RASGRF2: variants seen among roughly 807,000 people sequenced by gnomAD.
RASGRF2 encodes ras-specific guanine nucleotide-releasing factor 2.
A neutral mutation model predicts 151.0 loss-of-function variants in RASGRF2; 76 were observed. The ratio of observed to expected loss-of-function variants is 0.50; its 90% CI spans 0.42 to 0.61. RASGRF2 has a LOEUF of 0.61. RASGRF2 is among the 20% of genes least tolerant of loss of function. The pLI is 0.00. For synonymous variants in RASGRF2, 504 were observed against 566.5 expected, an observed-to-expected ratio of 0.89 and a Z score of 1.57; for missense variants, 1,148 against 1,564.6, an observed-to-expected ratio of 0.73 and a Z score of 4.49.
intron 15 of RASGRF2, 123 bp from the exon 16 acceptor site, chr5:81,123,519 A>G: frequency 1.7e-6 from 2 of 1,201,682 alleles, no homozygotes; most frequent in Non-Finnish European, 2.3e-6. Context: ...ACTTGATTTC[A>G]TATTAAAGCC....
At chr5:81,111,084 G>A (rs1269850054) in intron 13 of RASGRF2, among the ~76,000 whole-genome samples, 1 of 152,166 alleles carries the variant, frequency 6.6e-6, no homozygotes, top group African/African-American at 2.4e-5. Flanking sequence ...TTATCCGAAA[G>A]AAAATAGATA....
In RASGRF2 at chr5:81,127,033, T is replaced by A. The variant is rs1191836456; in HGVS notation, c.2597-41T>A. On this transcript the variant is annotated intron_variant, in intron 16 of 26. Coordinates refer to ENST00000265080, the MANE Select transcript of RASGRF2 (RefSeq NM_006909.3). Reference sequence around the variant, plus strand: ...GATTTTTGTTACAGAATATTATCCATTTGCCTCACCATTCCATTTCCTTTC... The same window carrying A: ...GATTTTTGTTACAGAATATTATCCAATTGCCTCACCATTCCATTTCCTTTC... 1.9e-6 allele frequency: 3 copies of A among 1,589,244 alleles called. No homozygotes were observed. The African/African-American group carries it at 4.0e-5, about 21-fold the overall frequency.
intron 2 of RASGRF2, among the ~76,000 whole-genome samples, 165 bp from the exon 3 acceptor site, chr5:81,067,867 G>A (rs540050571): frequency 2.3e-4 from 35 of 152,220 alleles, no homozygotes; most frequent in African/African-American, 7.2e-4. Context: ...CTTCATCGTC[G>A]AAGGATACCA....
chr5:81,025,192 C>T (rs1749976215), intron 1 of RASGRF2, among the ~76,000 whole-genome samples: 1 of 152,234 alleles, frequency 6.6e-6, no homozygotes, highest in African/African-American at 2.4e-5. Context: ...GCTGTCCTTG[C>T]AGCCGGCTCT....
At chr5:81,207,715 G>T (rs1421264005) in intron 21 of RASGRF2, among the ~76,000 whole-genome samples, 1 of 152,234 alleles carries the variant, frequency 6.6e-6, no homozygotes, top group Non-Finnish European at 1.5e-5. Context: ...CAGGAATGCT[G>T]CCCTGAAGAC....
At chr5:80,987,023 G>T (rs1478264918) in intron 1 of RASGRF2, among the ~76,000 whole-genome samples, 1 of 152,120 alleles carries the variant, frequency 6.6e-6, no homozygotes, top group Non-Finnish European at 1.5e-5. Flanking sequence ...TGTGTGCATT[G>T]CTGTTTTCTT....
intron 1 of RASGRF2, among the ~76,000 whole-genome samples, chr5:80,988,177 A>T (rs1344070962): frequency 6.6e-6 from 1 of 151,816 alleles, no homozygotes; most frequent in Non-Finnish European, 1.5e-5. Flanking sequence ...CAGTCTCCCA[A>T]GCAGTTGGGA....
intron 17 of RASGRF2, among the ~76,000 whole-genome samples, chr5:81,131,974 C>G (rs888377354): frequency 6.6e-6 from 1 of 152,190 alleles, no homozygotes; most frequent in South Asian, 2.1e-4. Context: ...AGAAACACAT[C>G]GCAGGAATGC....
intron 18 of RASGRF2, among the ~76,000 whole-genome samples, chr5:81,186,397 A>G (rs1335266514): frequency 1.3e-5 from 2 of 152,152 alleles, no homozygotes; most frequent in Non-Finnish European, 2.9e-5. Context: ...CATTGACATT[A>G]TGAGCTTTTT....
At chr5:81,210,951 G>C (rs1429504715) in intron 22 of RASGRF2, among the ~76,000 whole-genome samples, 1 of 152,070 alleles carries the variant, frequency 6.6e-6, no homozygotes, top group East Asian at 1.9e-4. Flanking sequence ...TTCAAGACCA[G>C]CCTGGGCAAC....
At chr5:80,998,272 T>A (rs1439529857) in intron 1 of RASGRF2, among the ~76,000 whole-genome samples, 2 of 152,158 alleles carry the variant, frequency 1.3e-5, no homozygotes, top group African/African-American at 4.8e-5. Flanking sequence ...CTATTTCCTG[T>A]TTCATCTACT....
At chr5:81,186,318 T>C (rs1052385460) in intron 18 of RASGRF2, among the ~76,000 whole-genome samples, 1 of 152,200 alleles carries the variant, frequency 6.6e-6, no homozygotes, top group Non-Finnish European at 1.5e-5. Context: ...TTCCAGCACC[T>C]GAGAGGGGCC....
Position 81,201,378 on chromosome 5 carries a change from G to C in RASGRF2, c.2842G>C (p.Glu948Gln), listed in dbSNP as rs1328159212. The C allele has an allele frequency of 2.5e-6, 4 of 1,613,962 alleles. No homozygotes were observed. Among genetic ancestry groups the C allele is most frequent in the Admixed American group, 3.3e-5 (2 of 59,952 alleles). The change falls in exon 19 of 27, where the codon GAA (glutamate) becomes CAA (glutamine). Residue 948 changes from glutamate to glutamine, a missense_variant. Coordinates refer to ENST00000265080, the MANE Select transcript of RASGRF2 (RefSeq NM_006909.3). ...AAAGATGAATGTCCTAAATTTGCTAGAAGAAGTTTTGCGAGACCCAGACCT... is the reference window on the plus strand; with the variant it reads ...AAAGATGAATGTCCTAAATTTGCTACAAGAAGTTTTGCGAGACCCAGACCT... ...ELKMNVLNLL[E>Q]EVLRDPDLLP...
chr5:81,209,362 T>C (rs994283531), intron 22 of RASGRF2, among the ~76,000 whole-genome samples: 10 of 152,290 alleles, frequency 6.6e-5, no homozygotes, highest in African/African-American at 2.4e-4. Context: ...TGGGAGTGTC[T>C]TCTGGCCTAT....
intron 8 of RASGRF2, 105 bp from the exon 9 acceptor site, chr5:81,086,730 G>T: frequency 1.1e-6 from 1 of 901,402 alleles, no homozygotes; most frequent in South Asian, 1.6e-5. Context: ...CGGTTCAATC[G>T]ATACAAGCTT....
intron 12 of RASGRF2, among the ~76,000 whole-genome samples, chr5:81,096,681 T>G (rs1399437454): frequency 6.6e-6 from 1 of 152,124 alleles, no homozygotes; most frequent in Non-Finnish European, 1.5e-5. Context: ...GAGACATTGT[T>G]AAGAGAGAAA....
intron 18 of RASGRF2, among the ~76,000 whole-genome samples, chr5:81,199,897 C>CG (rs757533048): frequency 1.0e-5 from 1 of 95,478 alleles, no homozygotes; most frequent in East Asian, 3.2e-4. Flanking sequence ...GACTCCATCT[C>CG]AAAAAAAAAA....
intron 1 of RASGRF2, among the ~76,000 whole-genome samples, chr5:81,034,042 G>A (rs1475544442): frequency 5.9e-5 from 9 of 152,112 alleles, no homozygotes. Context: ...ACAGACACAT[G>A]AAAAAATGCT....
chr5:81,031,389 A>G (rs1374108370), intron 1 of RASGRF2, among the ~76,000 whole-genome samples: 12 of 152,238 alleles, frequency 7.9e-5, no homozygotes, highest in African/African-American at 2.9e-4. Flanking sequence ...AAATTGACAC[A>G]TAATTGGAAG....
Sources: allele counts gnomAD v4.1 joint callset (sites outside exome capture counted in the v4.1 genomes callset), GRCh38; gene constraint gnomAD v4.1.1; transcripts MANE v1.5; gene names NCBI Gene and HGNC (gene_info 2026-07-23, HGNC 2026-07-21).